FER1L6: variants seen among roughly 807,000 people sequenced by gnomAD.
FER1L6 encodes the protein fer-1-like protein 6.
In FER1L6, 177 loss-of-function variants were observed where a neutral mutation model predicts 219.2. The ratio of observed to expected loss-of-function variants is 0.81; its 90% CI spans 0.71 to 0.91. The LOEUF is 0.91. Ranked by LOEUF, FER1L6 falls within the 40% of genes least tolerant of loss-of-function variation. The pLI is 0.00. For missense variants in FER1L6, 2,153 were observed against 2,259.9 expected (o/e 0.95, Z 0.96); for synonymous variants, 768 against 824.3 (o/e 0.93, Z 1.17).
rs185071224 is a variant in FER1L6, at chr8:124,029,624, T to C, written c.2287-5653T>C. Reference sequence around the variant, plus strand: ...TCCTTTTAATGGGGTTGTTTTTTTCTTGTAAATTTGTTTAAGTTCTTTGTA... The same window carrying C: ...TCCTTTTAATGGGGTTGTTTTTTTCCTGTAAATTTGTTTAAGTTCTTTGTA... On this transcript the variant is annotated intron_variant, in intron 18 of 40. Coordinates refer to ENST00000522917, the MANE Select transcript of FER1L6 (RefSeq NM_001039112.2). Among the ~76,000 whole-genome samples the C allele has an allele frequency of 2.2e-4, 34 of 152,320 alleles. No homozygotes were observed. In the East Asian group the frequency reaches 5.6e-3, roughly 25 times the overall value.
chr8:123,903,436 A>C (rs1237633854), intron 1 of FER1L6, among the ~76,000 whole-genome samples: 1 of 152,198 alleles, frequency 6.6e-6, no homozygotes, highest in Non-Finnish European at 1.5e-5. Flanking sequence ...TCACTTGATG[A>C]ATCTGATTTT....
At chr8:124,066,796 G>A (rs557558815) in intron 27 of FER1L6, among the ~76,000 whole-genome samples, 7 of 152,164 alleles carry the variant, frequency 4.6e-5, no homozygotes, top group African/African-American at 1.7e-4. Flanking sequence ...CTGGAAGGAT[G>A]TTCAGTCTAG....
intron 12 of FER1L6, among the ~76,000 whole-genome samples, chr8:123,987,032 C>G (rs1253012274): frequency 6.6e-6 from 1 of 152,126 alleles, no homozygotes; most frequent in African/African-American, 2.4e-5. Flanking sequence ...GGATATACAC[C>G]CAACAGTGGG....
intron 1 of FER1L6, among the ~76,000 whole-genome samples, chr8:123,945,681 G>T (rs1446366262): frequency 3.3e-5 from 5 of 152,178 alleles, no homozygotes; most frequent in Non-Finnish European, 7.3e-5. Context: ...GATTTATAGA[G>T]CTTCATTTGA....
chr8:123,909,299 A>C (rs1004164371), intron 1 of FER1L6, among the ~76,000 whole-genome samples: 9 of 152,104 alleles, frequency 5.9e-5, no homozygotes, highest in African/African-American at 2.2e-4. Flanking sequence ...ACAAAAAAAA[A>C]GTGGATAGAG....
At chr8:124,030,533 A>T (rs1432417515) in intron 18 of FER1L6, among the ~76,000 whole-genome samples, 5 of 152,104 alleles carry the variant, frequency 3.3e-5, no homozygotes. Flanking sequence ...ACCCTTCCTA[A>T]GGAAGGAGCT....
At chr8:123,936,477 T>TTC (rs1563694396) in intron 1 of FER1L6, among the ~76,000 whole-genome samples, 24 of 137,468 alleles carry the variant, frequency 1.7e-4, no homozygotes, top group South Asian at 6.5e-4. Context: ...TTTTTTTTTT[T>TTC]TTTTTTTTTG....
chr8:123,885,844 G>T (rs1271125817), intron 1 of FER1L6, among the ~76,000 whole-genome samples: 2 of 152,170 alleles, frequency 1.3e-5, no homozygotes, highest in Non-Finnish European at 2.9e-5. Flanking sequence ...CCAGGATGTG[G>T]CCATGGAGCC....
chr8:123,967,081 CAAA>C (rs34800682), intron 5 of FER1L6, among the ~76,000 whole-genome samples: 21 of 92,314 alleles, frequency 2.3e-4, no homozygotes, highest in Admixed American at 3.4e-4. Context: ...GACTCCACCT[CAAA>C]AAAAAAAAAA....
chr8:124,031,175 T>G (rs1012559559), intron 18 of FER1L6, among the ~76,000 whole-genome samples: 1 of 152,016 alleles, frequency 6.6e-6, no homozygotes, highest in African/African-American at 2.4e-5. Context: ...AGCTTTCCCT[T>G]GGCCCTCTGA....
chr8:123,955,960 T>G (rs1440136175), intron 1 of FER1L6, 32 bp from the exon 2 acceptor site: 9 of 1,574,952 alleles, frequency 5.7e-6, no homozygotes, highest in Middle Eastern at 1.7e-4. Flanking sequence ...GACTCAAAGT[T>G]TTTATTGTTT....
chr8:124,102,467 G>A (rs1822586258), intron 38 of FER1L6, among the ~76,000 whole-genome samples: 2 of 152,158 alleles, frequency 1.3e-5, no homozygotes, highest in South Asian at 4.1e-4. Flanking sequence ...CAGAGCAGTG[G>A]TCAACATTTT....
intron 34 of FER1L6, 34 bp downstream of exon 34, chr8:124,091,617 T>C: frequency 6.3e-7 from 1 of 1,597,004 alleles, no homozygotes; most frequent in South Asian, 1.1e-5. Context: ...CTGGTGTTGC[T>C]CTTCTTTTGA....
intron 1 of FER1L6, among the ~76,000 whole-genome samples, chr8:123,856,518 A>G (rs1248819260): frequency 6.6e-6 from 1 of 151,080 alleles, no homozygotes; most frequent in Non-Finnish European, 1.5e-5. Flanking sequence ...CTGAGCTTCA[A>G]TTTCCTCATC....
At chr8:123,897,840 C>T (rs535226842) in intron 1 of FER1L6, among the ~76,000 whole-genome samples, 1 of 152,128 alleles carries the variant, frequency 6.6e-6, no homozygotes, top group South Asian at 2.1e-4. Flanking sequence ...CAAAGTTTGC[C>T]TGTAAAAGCA....
intron 1 of FER1L6, among the ~76,000 whole-genome samples, chr8:123,941,747 G>A (rs1814250563): frequency 6.6e-6 from 1 of 152,186 alleles, no homozygotes. Flanking sequence ...ACTCCGTGGA[G>A]TTATTGAACT....
At chr8:123,939,239 C>T (rs1161296988) in intron 1 of FER1L6, 5 of 961,074 alleles carry the variant, frequency 5.2e-6, no homozygotes, top group East Asian at 1.1e-4. Context: ...GGAACCATGA[C>T]ATTCTGTGGT....
chr8:123,881,704 C>A (rs1259839611), intron 1 of FER1L6, among the ~76,000 whole-genome samples: 1 of 152,142 alleles, frequency 6.6e-6, no homozygotes, highest in Non-Finnish European at 1.5e-5. Flanking sequence ...ACCTGGCAGC[C>A]TGAAGGTCCC....
chr8:124,052,954 C>T (rs765029490), intron 22 of FER1L6, among the ~76,000 whole-genome samples: 3 of 151,860 alleles, frequency 2.0e-5, no homozygotes, highest in Admixed American at 6.6e-5. Flanking sequence ...ATAAAAGTGT[C>T]GAATAAAAAA....
Sources: gnomAD v4.1 joint callset for allele counts (sites outside exome capture counted in the v4.1 genomes callset) on GRCh38, gnomAD v4.1.1 for gene constraint, MANE v1.5 for transcripts, NCBI Gene and HGNC (gene_info 2026-07-23, HGNC 2026-07-21) for gene names.